Variants in GFOD1 observed in about 807,000 individuals in gnomAD.
GFOD1 encodes Gfo/Idh/MocA-like oxidoreductase domain containing 1.
A neutral mutation model predicts 25.4 loss-of-function variants in GFOD1; 9 were observed. The ratio of observed to expected loss-of-function variants is 0.35; its 90% confidence interval spans 0.21 to 0.62. GFOD1 has a LOEUF of 0.62. Among genes scored for constraint, GFOD1 ranks in the 20% least tolerant of loss-of-function variants. The pLI is 0.72. For missense variants in GFOD1, 403 were observed against 556.9 expected (o/e 0.72, Z 2.78); for synonymous variants, 253 against 245.6 (o/e 1.03, Z -0.28).
At chr6:13,408,477 G>A (rs1041825705) in intron 1 of GFOD1, among the ~76,000 whole-genome samples, 1 of 152,174 alleles carries the variant, frequency 6.6e-6, no homozygotes, top group African/African-American at 2.4e-5. Flanking sequence ...CTGCCTGCAA[G>A]GACCTCCCCA....
At chr6:13,397,939 A>T (rs545460910) in intron 1 of GFOD1, among the ~76,000 whole-genome samples, 1 of 152,328 alleles carries the variant, frequency 6.6e-6, no homozygotes, top group East Asian at 1.9e-4. Flanking sequence ...ACATCCCCAG[A>T]TACTCCCTCT....
chr6:13,467,780 C>T (rs1758403330), intron 1 of GFOD1, among the ~76,000 whole-genome samples: 1 of 152,180 alleles, frequency 6.6e-6, no homozygotes, highest in Non-Finnish European at 1.5e-5. Context: ...AAATAAATTA[C>T]CCTGCAGCCA....
chr6:13,408,512 A>G (rs1331535594), intron 1 of GFOD1, among the ~76,000 whole-genome samples: 1 of 152,172 alleles, frequency 6.6e-6, no homozygotes, highest in Admixed American at 6.5e-5. Flanking sequence ...GAGAAAAGAT[A>G]ATGAGGAGCT....
rs1158839873 is a variant in GFOD1 at position 13,363,258 on chromosome 6, T to G, written c.*1485A>C. 1.3e-5 allele frequency: 2 copies of G among 152,210 alleles called. No individual in the cohort carries two copies. Among genetic ancestry groups the G allele is most frequent in the Non-Finnish European group, 2.9e-5 (2 of 68,084 alleles). 9.4% of individuals were successfully genotyped at this position (152,210 alleles called of 1,614,324 possible). A position where few individuals can be genotyped will look rare whatever the true frequency, so the allele number is the denominator to read the frequency against. On this transcript the variant is annotated 3_prime_UTR_variant, in exon 2 of 2. Coordinates refer to ENST00000379287, the MANE Select transcript of GFOD1 (RefSeq NM_018988.4). Reference sequence around the variant, plus strand: ...GTGTGTGCACGTGCATGTGTGTGTGTGTCTGTTCCCTTTTGGCACTGCCTG... The same window carrying G: ...GTGTGTGCACGTGCATGTGTGTGTGGGTCTGTTCCCTTTTGGCACTGCCTG...
At chr6:13,380,554 C>A (rs529594822) in intron 1 of GFOD1, among the ~76,000 whole-genome samples, 2 of 152,114 alleles carry the variant, frequency 1.3e-5, no homozygotes, top group Admixed American at 6.5e-5. Flanking sequence ...ATACACACAC[C>A]CCTGGCGGAG....
intron 1 of GFOD1, among the ~76,000 whole-genome samples, chr6:13,483,625 A>C (rs1758803766): frequency 6.6e-6 from 1 of 152,156 alleles, no homozygotes; most frequent in Non-Finnish European, 1.5e-5. Context: ...TCTATGGGGA[A>C]CAGACACAGA....
chr6:13,422,832 CT>C (rs914894019), intron 1 of GFOD1, among the ~76,000 whole-genome samples: 20 of 152,178 alleles, frequency 1.3e-4, no homozygotes, highest in African/African-American at 4.1e-4. Flanking sequence ...AGGAAGTGCC[CT>C]GGTGGGAATG....
chr6:13,452,247 T>C (rs1157945393), intron 1 of GFOD1, among the ~76,000 whole-genome samples: 1 of 152,214 alleles, frequency 6.6e-6, no homozygotes, highest in African/African-American at 2.4e-5. Flanking sequence ...CTGGAGACAC[T>C]GGCATATGGA....
chr6:13,392,401 T>C (rs1785632626), intron 1 of GFOD1, among the ~76,000 whole-genome samples: 1 of 148,556 alleles, frequency 6.7e-6, no homozygotes, highest in Non-Finnish European at 1.5e-5. Context: ...CTCTGGTCAG[T>C]GTGTTTTGAA....
At chr6:13,446,496 G>C (rs1179963933) in intron 1 of GFOD1, among the ~76,000 whole-genome samples, 1 of 152,176 alleles carries the variant, frequency 6.6e-6, no homozygotes, top group Non-Finnish European at 1.5e-5. Context: ...GAAAGAGCCT[G>C]GGATTCAGAC....
At chr6:13,485,067 T>C (rs1282001334) in intron 1 of GFOD1, among the ~76,000 whole-genome samples, 3 of 152,174 alleles carry the variant, frequency 2.0e-5, no homozygotes, top group Non-Finnish European at 2.9e-5. Flanking sequence ...AAATAAATAT[T>C]AGCATTCAGT....
At position 13,363,472 on chromosome 6, in the gene GFOD1, T is replaced by TTTTGA. The variant is rs572810876; in HGVS notation, c.*1270_*1271insTCAAA. 1 of 152,018 alleles carries TTTTGA rather than the reference T, an allele frequency of 6.6e-6. No homozygotes were observed. The highest frequency in any genetic ancestry group is 1.5e-5 in the Non-Finnish European group (1 of 67,980). 9.4% of individuals were successfully genotyped at this position (152,018 alleles called of 1,614,324 possible). On this transcript the variant is annotated 3_prime_UTR_variant, in exon 2 of 2. Coordinates refer to ENST00000379287, the MANE Select transcript of GFOD1 (RefSeq NM_018988.4). Reference sequence around the variant, plus strand: ...CTAGAAATAATGTTCCTTGTTGTCCTTTTGTTTTGTTTCGTTTAGTACCTA... The same window carrying TTTTGA: ...CTAGAAATAATGTTCCTTGTTGTCCTTTTGATTTGTTTTGTTTCGTTTAGTACCTA...
chr6:13,390,381 A>T (rs1254095336), intron 1 of GFOD1, among the ~76,000 whole-genome samples: 1 of 152,032 alleles, frequency 6.6e-6, no homozygotes, highest in Non-Finnish European at 1.5e-5. Context: ...ACTTAAACCC[A>T]GGAGTTCGAG....
At chr6:13,401,261 C>A (rs548466673) in intron 1 of GFOD1, among the ~76,000 whole-genome samples, 1 of 152,174 alleles carries the variant, frequency 6.6e-6, no homozygotes, top group African/African-American at 2.4e-5. Flanking sequence ...AGGCATAAGG[C>A]GTGGGCCTGT....
At chr6:13,460,133 C>A (rs907909749) in intron 1 of GFOD1, among the ~76,000 whole-genome samples, 1 of 152,092 alleles carries the variant, frequency 6.6e-6, no homozygotes, top group South Asian at 2.1e-4. Flanking sequence ...GACTTCATCT[C>A]AAAAAATAAA....
At chr6:13,422,854 G>T (rs1026609807) in intron 1 of GFOD1, among the ~76,000 whole-genome samples, 5 of 152,206 alleles carry the variant, frequency 3.3e-5, no homozygotes, top group African/African-American at 1.2e-4. Flanking sequence ...TCTTGGCCTG[G>T]TTTAACAATT....
At chr6:13,405,380 A>T (rs145365699) in intron 1 of GFOD1, among the ~76,000 whole-genome samples, 1 of 152,258 alleles carries the variant, frequency 6.6e-6, no homozygotes, top group Admixed American at 6.5e-5. Context: ...TCCTTAACAC[A>T]ATATATCCAA....
chr6:13,469,828 C>A, intron 1 of GFOD1: 1 of 1,125,500 alleles, frequency 8.9e-7, no homozygotes. Context: ...TAAATGTCCA[C>A]ATTGGAGGTT....
intron 1 of GFOD1, among the ~76,000 whole-genome samples, chr6:13,381,915 G>GCGCGCACACACACACA (rs748305101): frequency 3.6e-5 from 5 of 140,052 alleles, no homozygotes; most frequent in African/African-American, 1.2e-4. Flanking sequence ...ACGCGCGCGC[G>GCGCGCACACACACACA]CACACACACA....
Sources: gnomAD v4.1 joint callset for allele counts (sites outside exome capture counted in the v4.1 genomes callset) on GRCh38, gnomAD v4.1.1 for gene constraint, MANE v1.5 for transcripts, NCBI Gene and HGNC (gene_info 2026-07-23, HGNC 2026-07-21) for gene names.